Variants in IFT88 observed in about 807,000 individuals in gnomAD.
The protein encoded by IFT88 is intraflagellar transport protein 88 homolog.
IFT88 carries 74 observed loss-of-function variants against 119.5 expected under a neutral mutation model. The observed-to-expected ratio is 0.62, with a 90% CI of 0.51 to 0.75. The LOEUF (loss-of-function observed/expected upper bound fraction) is 0.75. Ranked by LOEUF, IFT88 falls within the 30% of genes least tolerant of loss-of-function variation. IFT88 has a pLI of 0.00. For missense variants in IFT88, 961 were observed against 977.7 expected, an observed-to-expected ratio of 0.98 and a Z score of 0.23; for synonymous variants, 279 against 316.7, an observed-to-expected ratio of 0.88 and a Z score of 1.26.
intron 16 of IFT88, among the ~76,000 whole-genome samples, chr13:20,634,943 TC>T (rs1480621156): frequency 1.9e-5 from 2 of 107,356 alleles, no homozygotes; most frequent in Admixed American, 1.0e-4. Flanking sequence ...ATGCTATCCC[TC>T]CCCCCTCCCC....
At chr13:20,571,003 T>G (rs1266003488) in intron 1 of IFT88, among the ~76,000 whole-genome samples, 1 of 152,100 alleles carries the variant, frequency 6.6e-6, no homozygotes, top group East Asian at 1.9e-4. Context: ...TATTATTTAT[T>G]TATTTTTTGA....
chr13:20,593,215 T>C (rs535404056), intron 7 of IFT88, among the ~76,000 whole-genome samples: 1 of 152,364 alleles, frequency 6.6e-6, no homozygotes, highest in East Asian at 1.9e-4. Flanking sequence ...ATACATCTGC[T>C]GGTATCCAAG....
chr13:20,602,912 TC>T (rs1192620135), intron 12 of IFT88, among the ~76,000 whole-genome samples: 2 of 151,888 alleles, frequency 1.3e-5, no homozygotes, highest in African/African-American at 4.8e-5. Flanking sequence ...AAATTCCTTA[TC>T]CTTACTCATA....
intron 24 of IFT88, among the ~76,000 whole-genome samples, chr13:20,671,661 A>G (rs1566439918): frequency 6.6e-6 from 1 of 152,202 alleles, no homozygotes; most frequent in African/African-American, 2.4e-5. Flanking sequence ...CTTCCCATCA[A>G]CAATCTACCT....
At position 20,605,093 on chromosome 13, in the gene IFT88, T is replaced by C. The variant is rs760232648; in HGVS notation, c.1100T>C (p.Met367Thr). ...EAIKNDHLRQ[M>T]ERERKAMAEK... The stretch of plus-strand genomic sequence containing the variant: ...ATAAAAAATGATCACCTCAGGCAAA[T>C]GGAACGTGAAAGGTAATATTTTAAA... The change falls in exon 13 of 26, where the codon ATG becomes ACG. Residue 367 changes from methionine to threonine, a missense_variant. Met to Thr is a moderately conservative substitution (Grantham distance 81). Coordinates refer to ENST00000351808, the MANE Select transcript of IFT88 (RefSeq NM_006531.5). The C allele has an allele frequency of 6.9e-7, 1 of 1,448,214 alleles. No homozygotes were observed. Among genetic ancestry groups the C allele is most frequent in the Non-Finnish European group, 9.6e-7 (1 of 1,037,398 alleles). The allele number at this position is 1,448,214 out of a possible 1,614,324, so 89.7% of individuals were successfully genotyped here. A position where few individuals can be genotyped will look rare whatever the true frequency, so the allele number is the denominator to read the frequency against.
At chr13:20,630,459 G>T (rs1209747849) in intron 15 of IFT88, among the ~76,000 whole-genome samples, 2 of 152,142 alleles carry the variant, frequency 1.3e-5, no homozygotes, top group Non-Finnish European at 2.9e-5. Context: ...GATCAAATTT[G>T]ATCACATCTC....
intron 2 of IFT88, among the ~76,000 whole-genome samples, chr13:20,578,034 C>CTTTTTTTTTTTTTTTTTTTTTTTTTTTTT (rs57202566): frequency 1.8e-5 from 1 of 55,838 alleles, no homozygotes; most frequent in African/African-American, 6.5e-5. Context: ...CTTGTTACTT[C>CTTTTTTTTTTTTTTTTTTTTTTTTTTTTT]TTTTTTTTTT....
intron 16 of IFT88, 140 bp from the exon 17 acceptor site, chr13:20,638,192 A>G (rs1373429856): frequency 2.3e-5 from 11 of 469,262 alleles, no homozygotes; most frequent in Admixed American, 4.4e-5. Flanking sequence ...GAATCAGACT[A>G]TCAAGACCAA....
chr13:20,665,101 G>A (rs1434243560), intron 23 of IFT88, among the ~76,000 whole-genome samples: 5 of 151,332 alleles, frequency 3.3e-5, no homozygotes, highest in Admixed American at 6.6e-5. Flanking sequence ...AGACAAAAAT[G>A]CAGAATATTT....
chr13:20,592,822 T>G (rs1170455365), intron 7 of IFT88, among the ~76,000 whole-genome samples: 2 of 152,124 alleles, frequency 1.3e-5, no homozygotes, highest in African/African-American at 4.8e-5. Flanking sequence ...TTATGTGAAT[T>G]CCATAAGAAT....
In IFT88 at chr13:20,601,807, G is replaced by A. The variant is rs765174099; in HGVS notation, c.915G>A (p.Leu305=). The part of the protein sequence containing the change: ...YEHIMSMAPN[L]KAGYNLTICY... ...ACATAATGAGCATGGCACCAAATCT[G>A]AAGGCAGGCTACAACCTAACTATCT... The change falls in exon 12 of 26, where the codon CTG becomes CTA. Residue 305 remains leucine, a synonymous_variant. Coordinates refer to ENST00000351808, the MANE Select transcript of IFT88 (RefSeq NM_006531.5). 2 of 1,613,462 alleles carry A rather than the reference G, an allele frequency of 1.2e-6. No homozygotes were observed. The highest frequency in any genetic ancestry group is 2.2e-5 in the South Asian group (2 of 91,054).
chr13:20,638,021 A>G (rs905228205), intron 16 of IFT88, among the ~76,000 whole-genome samples: 1 of 152,156 alleles, frequency 6.6e-6, no homozygotes, highest in Non-Finnish European at 1.5e-5. Context: ...CAGGGCTTCA[A>G]GTGGGAGGGG....
At chr13:20,587,357 A>G (rs1184835616) in intron 3 of IFT88, among the ~76,000 whole-genome samples, 7 of 151,932 alleles carry the variant, frequency 4.6e-5, no homozygotes, top group Admixed American at 4.6e-4. Flanking sequence ...TCCTGGGTTC[A>G]AGCAATTCTC....
At chr13:20,674,722 A>ATTTTTTTTTTTTTTT in intron 24 of IFT88, among the ~76,000 whole-genome samples, 1 of 42,692 alleles carries the variant, frequency 2.3e-5, no homozygotes, top group Non-Finnish European at 4.7e-5. Flanking sequence ...ATATATATAT[A>ATTTTTTTTTTTTTTT]TATTTTTTTT....
intron 13 of IFT88, chr13:20,607,863 C>T (rs2043783780): frequency 2.8e-6 from 2 of 717,996 alleles, no homozygotes; most frequent in Non-Finnish European, 5.3e-6. Flanking sequence ...TCATGCTGCC[C>T]AACCCAGTCA....
chr13:20,684,196 C>G (rs1429988225), intron 24 of IFT88, among the ~76,000 whole-genome samples: 1 of 152,242 alleles, frequency 6.6e-6, no homozygotes, highest in Admixed American at 6.5e-5. Flanking sequence ...ACCTTCTCAT[C>G]TAGCTTGCTG....
intron 13 of IFT88, chr13:20,607,317 C>A: frequency 4.2e-6 from 2 of 475,380 alleles, no homozygotes; most frequent in East Asian, 1.1e-4. Context: ...TACTTCGCAT[C>A]CCTGTCAGTG....
intron 22 of IFT88, among the ~76,000 whole-genome samples, chr13:20,658,868 A>G (rs991976574): frequency 2.6e-5 from 4 of 152,226 alleles, no homozygotes; most frequent in Non-Finnish European, 4.4e-5. Context: ...GAATGTCTTC[A>G]AGGAAGGCCA....
rs751916612 is a variant in IFT88, at chr13:20,605,120, TTAA to T, written c.1112+19_1112+21del. 5 of 1,149,244 alleles carry T rather than the reference TTAA, an allele frequency of 4.4e-6. No individual in the cohort carries two copies. Among genetic ancestry groups the T allele is most frequent in the Non-Finnish European group, 6.4e-6 (5 of 785,312 alleles). The allele number at this position is 1,149,244 out of a possible 1,614,324, so 71.2% of individuals were successfully genotyped here. A position where few individuals can be genotyped will look rare whatever the true frequency, so the allele number is the denominator to read the frequency against. ...GAACGTGAAAGGTAATATTTTAAAC[TTAA>T]TAACGTAGTTATTAATTACATTATT... is the stretch of plus-strand genomic sequence containing the variant. On this transcript the variant is annotated intron_variant, in intron 13 of 25. Coordinates refer to ENST00000351808, the MANE Select transcript of IFT88 (RefSeq NM_006531.5).
Sources: gnomAD v4.1 joint callset for allele counts (sites outside exome capture counted in the v4.1 genomes callset) on GRCh38, gnomAD v4.1.1 for gene constraint, MANE v1.5 for transcripts, NCBI Gene and HGNC (gene_info 2026-07-23, HGNC 2026-07-21) for gene names.